Variants in TENM2 observed in about 807,000 individuals in gnomAD.
TENM2 encodes teneurin transmembrane protein 2.
TENM2 carries 52 observed loss-of-function variants against 245.2 expected under a neutral mutation model. The observed-to-expected ratio is 0.21, with a 90% confidence interval of 0.17 to 0.27. The LOEUF (loss-of-function observed/expected upper bound fraction) is 0.27. Among genes scored for constraint, TENM2 ranks in the 10% least tolerant of loss-of-function variants. The pLI is 1.00. For missense variants in TENM2, 3,046 were observed against 3,666.8 expected (o/e 0.83, Z 4.37); for synonymous variants, 1,363 against 1,438.9 (o/e 0.95, Z 1.19).
At chr5:167,601,114 A>T (rs919508941) in intron 2 of TENM2, among the ~76,000 whole-genome samples, 1 of 152,240 alleles carries the variant, frequency 6.6e-6, no homozygotes, top group Non-Finnish European at 1.5e-5. Flanking sequence ...TTGCACCAAT[A>T]TACCTAATTA....
chr5:167,941,987 C>T (rs1779220681), intron 3 of TENM2, among the ~76,000 whole-genome samples: 1 of 152,168 alleles, frequency 6.6e-6, no homozygotes, highest in Admixed American at 6.6e-5. Flanking sequence ...GCAAAAGGAT[C>T]ACCTGAGGTC....
intron 2 of TENM2, among the ~76,000 whole-genome samples, chr5:167,546,770 C>T (rs887989390): frequency 7.2e-5 from 11 of 152,152 alleles, no homozygotes; most frequent in African/African-American, 2.7e-4. Flanking sequence ...TCCATGGGCT[C>T]TTGGCTTTCT....
chr5:167,473,413 A>C (rs1261052721), intron 2 of TENM2, among the ~76,000 whole-genome samples: 1 of 152,216 alleles, frequency 6.6e-6, no homozygotes, highest in African/African-American at 2.4e-5. Context: ...CCCTAGACAT[A>C]TTTAAACTTG....
intron 2 of TENM2, chr5:167,754,847 C>G: frequency 2.0e-6 from 1 of 497,294 alleles, no homozygotes. Context: ...AGGCGTCCTC[C>G]CCAACTAATT....
At chr5:168,029,174 T>C (rs62383381) in intron 5 of TENM2, among the ~76,000 whole-genome samples, 22,692 of 152,188 alleles carry the variant, frequency 0.15, 1,926 homozygotes, top group Admixed American at 0.26. Context: ...AGCTGTTTTA[T>C]AGGGACACCA....
At chr5:167,793,045 A>G (rs1765091872) in intron 2 of TENM2, among the ~76,000 whole-genome samples, 1 of 152,216 alleles carries the variant, frequency 6.6e-6, no homozygotes, top group Non-Finnish European at 1.5e-5. Context: ...TATGAGTTCC[A>G]ACTGGCTTTT....
chr5:167,608,575 C>T (rs1232735068), intron 2 of TENM2, among the ~76,000 whole-genome samples: 4 of 152,212 alleles, frequency 2.6e-5, no homozygotes, highest in East Asian at 3.9e-4. Context: ...GCAGCGCCGA[C>T]ATCCCCTCTC....
At chr5:168,192,576 T>A (rs1037388023) in intron 14 of TENM2, among the ~76,000 whole-genome samples, 2 of 152,232 alleles carry the variant, frequency 1.3e-5, no homozygotes, top group Non-Finnish European at 2.9e-5. Flanking sequence ...ATCTTTCTAT[T>A]TTATTTGACT....
chr5:167,579,852 G>C (rs752881553), intron 2 of TENM2, among the ~76,000 whole-genome samples: 1 of 152,114 alleles, frequency 6.6e-6, no homozygotes, highest in African/African-American at 2.4e-5. Context: ...CATCACGATC[G>C]CGTGTGCTGT....
chr5:167,427,154 A>C (rs1380260500), intron 2 of TENM2, among the ~76,000 whole-genome samples: 1 of 152,038 alleles, frequency 6.6e-6, no homozygotes, highest in Non-Finnish European at 1.5e-5. Flanking sequence ...AAGACAAAAC[A>C]ACCAAAAGAA....
At chr5:167,322,187 G>A (rs531306210) in intron 1 of TENM2, among the ~76,000 whole-genome samples, 7 of 148,952 alleles carry the variant, frequency 4.7e-5, no homozygotes, top group South Asian at 2.2e-4. Context: ...TATGATGCTC[G>A]TGTATTTAAG....
chr5:167,469,518 A>G (rs1363977009), intron 2 of TENM2, among the ~76,000 whole-genome samples: 1 of 152,132 alleles, frequency 6.6e-6, no homozygotes, highest in Non-Finnish European at 1.5e-5. Flanking sequence ...CATTTTCTAG[A>G]ATATTTGTTA....
the TENM2 span, among the ~76,000 whole-genome samples, chr5:167,082,995 T>C: frequency 2.6e-5 from 4 of 151,858 alleles, no homozygotes; most frequent in East Asian, 1.9e-4. Flanking sequence ...TTGGGAAATA[T>C]TGCAGTATAT....
At chr5:167,478,794 C>T (rs992217994) in intron 2 of TENM2, among the ~76,000 whole-genome samples, 5 of 152,150 alleles carry the variant, frequency 3.3e-5, no homozygotes, top group South Asian at 2.1e-4. Flanking sequence ...TATGACTTCT[C>T]GGTTTTGCAT....
chr5:167,862,726 C>T (rs1219779274), intron 2 of TENM2, among the ~76,000 whole-genome samples: 4 of 152,190 alleles, frequency 2.6e-5, no homozygotes, highest in African/African-American at 9.7e-5. Context: ...GAGGTTCATT[C>T]TGACCTTGAC....
At chr5:167,933,711 G>A (rs1346395506) in intron 3 of TENM2, among the ~76,000 whole-genome samples, 1 of 151,780 alleles carries the variant, frequency 6.6e-6, no homozygotes. Flanking sequence ...CAACTAGAGT[G>A]AGGAGCCAGG....
chr5:167,160,181 A>T, the TENM2 span, among the ~76,000 whole-genome samples: 1 of 152,214 alleles, frequency 6.6e-6, no homozygotes, highest in Non-Finnish European at 1.5e-5. Flanking sequence ...CTGTTTCTTA[A>T]CAAGAAATCA....
chr5:167,845,948 A>G (rs1770002761), intron 2 of TENM2, among the ~76,000 whole-genome samples: 1 of 152,130 alleles, frequency 6.6e-6, no homozygotes, highest in South Asian at 2.1e-4. Flanking sequence ...GCATTCTCTC[A>G]TCCATTTGAT....
intron 1 of TENM2, among the ~76,000 whole-genome samples, chr5:167,290,807 G>T (rs1300864417): frequency 1.3e-5 from 2 of 151,918 alleles, no homozygotes; most frequent in African/African-American, 4.8e-5. Context: ...CTGCTCTAAG[G>T]TAGTGTCATA....
Sources: allele counts gnomAD v4.1 joint callset (sites outside exome capture counted in the v4.1 genomes callset), GRCh38; gene constraint gnomAD v4.1.1; transcripts MANE v1.5; gene names NCBI Gene and HGNC (gene_info 2026-07-23, HGNC 2026-07-21).